The following SOX5 variants were observed in gnomAD, a reference collection of about 807,000 sequenced individuals.
The protein encoded by SOX5 is SRY-box transcription factor 5, also known as transcription factor SOX-5.
SOX5 carries 9 observed loss-of-function variants against 92.0 expected under a neutral mutation model. The observed-to-expected ratio is 0.10, with a 90% CI of 0.06 to 0.17. The LOEUF is 0.17. Ranked by LOEUF, SOX5 falls within the 10% of genes least tolerant of loss-of-function variation. SOX5 has a pLI of 1.00. For synonymous variants in SOX5, 344 were observed against 336.3 expected (o/e 1.02, Z -0.25); for missense variants, 642 against 944.5 (o/e 0.68, Z 4.20).
chr12:23,861,683 C>T (rs1057121602), intron 2 of SOX5, among the ~76,000 whole-genome samples: 1 of 152,092 alleles, frequency 6.6e-6, no homozygotes, highest in African/African-American at 2.4e-5. Context: ...TATAAAGCTA[C>T]ATTGTTTGAC....
intron 4 of SOX5, among the ~76,000 whole-genome samples, chr12:24,053,997 C>G (rs556509354): frequency 6.6e-6 from 1 of 152,180 alleles, no homozygotes; most frequent in South Asian, 2.1e-4. Context: ...CTCTATGGCT[C>G]TGAGGCCTGT....
chr12:24,353,242 G>A (rs1407448850), intron 2 of SOX5, among the ~76,000 whole-genome samples: 2 of 152,172 alleles, frequency 1.3e-5, no homozygotes, highest in East Asian at 3.9e-4. Flanking sequence ...TGATTCACCA[G>A]GTCAGATCTG....
At chr12:24,194,540 T>C (rs888337020) in intron 4 of SOX5, among the ~76,000 whole-genome samples, 7 of 152,188 alleles carry the variant, frequency 4.6e-5, no homozygotes, top group Non-Finnish European at 8.8e-5. Flanking sequence ...AACATATCTA[T>C]ATATTTAAGC....
chr12:23,977,352 T>C (rs984514395), intron 4 of SOX5, among the ~76,000 whole-genome samples: 2 of 152,102 alleles, frequency 1.3e-5, no homozygotes, highest in Non-Finnish European at 2.9e-5. Flanking sequence ...GACTGAAGTC[T>C]GAGGAAACAG....
At chr12:23,985,242 T>C (rs1949954764) in intron 4 of SOX5, among the ~76,000 whole-genome samples, 1 of 149,206 alleles carries the variant, frequency 6.7e-6, no homozygotes, top group South Asian at 2.1e-4. Context: ...TTTTTTTGAA[T>C]TTTATTTATT....
intron 2 of SOX5, among the ~76,000 whole-genome samples, chr12:24,321,417 A>G (rs1950203193): frequency 6.6e-6 from 1 of 152,272 alleles, no homozygotes; most frequent in African/African-American, 2.4e-5. Context: ...AAAGAGATAC[A>G]TAAAATATTG....
chr12:24,313,845 G>T lies in SOX5; in HGVS notation c.-173-36533C>A, dbSNP rs1230949110. Among the ~76,000 whole-genome samples, 3 of 152,084 alleles carry T rather than the reference G, an allele frequency of 2.0e-5. No individual in the cohort carries two copies. In the East Asian group the frequency reaches 5.8e-4, roughly 29 times the overall value. On this transcript the variant is annotated intron_variant, in intron 2 of 4. Transcript: ENST00000446891. ...TCTAGCTGGATATTTAATAGGAATG[G>T]CAAACTTACTGTTTTTAAAGCTTAT...
intron 4 of SOX5, among the ~76,000 whole-genome samples, chr12:24,001,610 G>T (rs1592215397): frequency 1.3e-5 from 2 of 152,178 alleles, no homozygotes; most frequent in South Asian, 4.2e-4. Context: ...GCAAGGTCAG[G>T]AGTTCAAGAC....
intron 4 of SOX5, among the ~76,000 whole-genome samples, chr12:24,168,967 C>CA (rs955571727): frequency 6.2e-4 from 90 of 146,186 alleles, no homozygotes; most frequent in Admixed American, 3.2e-3. Flanking sequence ...CCCAACTTTC[C>CA]AAAAAAAAAA....
chr12:23,597,649 T>C (rs533570606), intron 9 of SOX5, among the ~76,000 whole-genome samples: 1 of 152,356 alleles, frequency 6.6e-6, no homozygotes, highest in African/African-American at 2.4e-5. Flanking sequence ...ATAATGATAA[T>C]GGGCTGCATT....
chr12:24,200,456 T>C (rs1466052531), intron 4 of SOX5, among the ~76,000 whole-genome samples: 1 of 152,182 alleles, frequency 6.6e-6, no homozygotes, highest in Non-Finnish European at 1.5e-5. Context: ...TATACATGAA[T>C]GATAAGGAAC....
At chr12:23,982,872 A>G (rs769729631) in intron 4 of SOX5, among the ~76,000 whole-genome samples, 15 of 152,156 alleles carry the variant, frequency 9.9e-5, no homozygotes, top group Non-Finnish European at 1.8e-4. Context: ...GCACATCTCA[A>G]TTTGGACTAG....
intron 4 of SOX5, among the ~76,000 whole-genome samples, chr12:24,020,440 A>G (rs1954150285): frequency 6.6e-6 from 1 of 152,202 alleles, no homozygotes; most frequent in Non-Finnish European, 1.5e-5. Context: ...AAAGGAAGAA[A>G]ACAATTAAGA....
intron 1 of SOX5, among the ~76,000 whole-genome samples, chr12:24,390,104 C>T (rs1407623113): frequency 2.0e-5 from 3 of 152,162 alleles, no homozygotes; most frequent in Non-Finnish European, 4.4e-5. Flanking sequence ...CCAAGTTTCT[C>T]GTTTTCCAGC....
intron 4 of SOX5, among the ~76,000 whole-genome samples, chr12:24,015,230 C>T (rs1953457995): frequency 6.6e-6 from 1 of 152,034 alleles, no homozygotes; most frequent in South Asian, 2.1e-4. Context: ...GATTAATCTC[C>T]TTTTTCTCTC....
intron 5 of SOX5, among the ~76,000 whole-genome samples, chr12:23,736,689 CTTTT>C (rs547312649): frequency 7.5e-6 from 1 of 132,600 alleles, no homozygotes; most frequent in Non-Finnish European, 1.6e-5. Flanking sequence ...TGTTCTTTCT[CTTTT>C]TTTTTTTTTT....
chr12:24,451,715 T>C (rs1388162612), intron 1 of SOX5, among the ~76,000 whole-genome samples: 2 of 152,128 alleles, frequency 1.3e-5, no homozygotes, highest in Non-Finnish European at 2.9e-5. Flanking sequence ...TAACCGATAT[T>C]AGAGAAATGA....
chr12:24,197,722 A>C (rs1293233111), intron 4 of SOX5, among the ~76,000 whole-genome samples: 2 of 152,140 alleles, frequency 1.3e-5, no homozygotes, highest in Non-Finnish European at 2.9e-5. Flanking sequence ...GAGCATTAGC[A>C]TGAAGATGTG....
intron 4 of SOX5, among the ~76,000 whole-genome samples, chr12:24,092,819 C>T (rs12231866): frequency 0.39 from 58,913 of 151,976 alleles, 11,902 homozygotes; most frequent in East Asian, 0.63. Context: ...TTGTTCTGGG[C>T]ATGTTTCTTG....
Sources: gnomAD v4.1 joint callset for allele counts (sites outside exome capture counted in the v4.1 genomes callset) on GRCh38, gnomAD v4.1.1 for gene constraint, MANE v1.5 for transcripts, NCBI Gene and HGNC (gene_info 2026-07-23, HGNC 2026-07-21) for gene names.